The following FTO variants were observed in gnomAD, a reference collection of about 807,000 sequenced individuals.
FTO encodes FTO alpha-ketoglutarate dependent dioxygenase.
A neutral mutation model predicts 63.9 loss-of-function variants in FTO; 47 were observed. The ratio of observed to expected loss-of-function variants is 0.74; its 90% CI spans 0.58 to 0.94. FTO has a LOEUF of 0.94. Among genes scored for constraint, FTO ranks in the 40% least tolerant of loss-of-function variants. The pLI is 0.00. For missense variants in FTO, 562 were observed against 618.1 expected, an observed-to-expected ratio of 0.91 and a Z score of 0.96; for synonymous variants, 207 against 224.4, an observed-to-expected ratio of 0.92 and a Z score of 0.69.
intron 8 of FTO, among the ~76,000 whole-genome samples, chr16:54,049,093 A>T (rs1246191157): frequency 2.6e-5 from 4 of 152,184 alleles, no homozygotes; most frequent in African/African-American, 9.7e-5. Context: ...TAAAAAATTA[A>T]GATCCAAACC....
intron 6 of FTO, among the ~76,000 whole-genome samples, chr16:53,886,531 A>G (rs2081001679): frequency 6.6e-6 from 1 of 152,200 alleles, no homozygotes; most frequent in Non-Finnish European, 1.5e-5. Flanking sequence ...TCTTCTTTCA[A>G]AGTACTCAAG....
intron 8 of FTO, among the ~76,000 whole-genome samples, chr16:54,093,172 C>G (rs1033871069): frequency 6.6e-6 from 1 of 152,196 alleles, no homozygotes; most frequent in Non-Finnish European, 1.5e-5. Flanking sequence ...CGCATCCAAC[C>G]CTGGCCCCGG....
intron 1 of FTO, among the ~76,000 whole-genome samples, chr16:53,766,493 G>C (rs1202293910): frequency 6.6e-6 from 1 of 152,152 alleles, no homozygotes; most frequent in Non-Finnish European, 1.5e-5. Flanking sequence ...AAAGTGCTGG[G>C]ATTACAGGTG....
chr16:53,761,336 A>G (rs1261289910), intron 1 of FTO, among the ~76,000 whole-genome samples: 2 of 151,704 alleles, frequency 1.3e-5, no homozygotes, highest in Non-Finnish European at 2.9e-5. Context: ...TCCTGGGCTC[A>G]AGAGATTCTC....
chr16:53,971,674 T>C (rs1020527249), intron 8 of FTO, among the ~76,000 whole-genome samples: 3 of 152,240 alleles, frequency 2.0e-5, no homozygotes, highest in Admixed American at 1.3e-4. Flanking sequence ...GGCCTTCCTC[T>C]AGGGGACCCC....
chr16:53,811,832 AC>A (rs2078534605), intron 2 of FTO, among the ~76,000 whole-genome samples: 1 of 151,094 alleles, frequency 6.6e-6, no homozygotes, highest in African/African-American at 2.4e-5. Context: ...TTATTTTTTG[AC>A]AGAGGATCTC....
intron 8 of FTO, among the ~76,000 whole-genome samples, chr16:54,065,557 A>C (rs16952955): frequency 0.063 from 9,549 of 152,192 alleles, 414 homozygotes; most frequent in East Asian, 0.14. Flanking sequence ...TTGTCAATAA[A>C]AAGTGTCAAA....
In FTO at chr16:53,900,140, C is replaced by T. The variant is rs537996395; in HGVS notation, c.1239+11189C>T. ...GACAGAATTCGAATGCATATGGCAT[C>T]CACATAGCCTGGCATAAGTAGCACA... On this transcript the variant is annotated intron_variant, in intron 7 of 8. Transcript: ENST00000471389. Among the ~76,000 whole-genome samples the T allele has an allele frequency of 7.0e-4, 107 of 152,294 alleles. 1 individual carries two copies. Among genetic ancestry groups the T allele is most frequent in the African/African-American group, 2.0e-3 (85 of 41,556 alleles).
At chr16:54,055,509 G>T (rs1187881756) in intron 8 of FTO, among the ~76,000 whole-genome samples, 1 of 152,176 alleles carries the variant, frequency 6.6e-6, no homozygotes, top group Non-Finnish European at 1.5e-5. Flanking sequence ...CTGAGATAAA[G>T]AAAGGATATA....
chr16:53,837,110 C>G (rs915147731), intron 3 of FTO, among the ~76,000 whole-genome samples: 2 of 152,198 alleles, frequency 1.3e-5, no homozygotes, highest in African/African-American at 4.8e-5. Context: ...ATCTCTGCTT[C>G]CTTACCTGAT....
intron 1 of FTO, among the ~76,000 whole-genome samples, chr16:53,727,102 T>C (rs2076172715): frequency 6.6e-6 from 1 of 152,228 alleles, no homozygotes; most frequent in African/African-American, 2.4e-5. Context: ...TTCTTTTGGC[T>C]AAATATATTC....
intron 2 of FTO, among the ~76,000 whole-genome samples, chr16:53,818,746 A>G (rs748168551): frequency 1.3e-5 from 2 of 149,790 alleles, no homozygotes; most frequent in African/African-American, 2.5e-5. Context: ...AATTTCTTCT[A>G]TGAGTATAGT....
At chr16:53,965,214 C>G (rs1664810569) in intron 8 of FTO, among the ~76,000 whole-genome samples, 1 of 152,208 alleles carries the variant, frequency 6.6e-6, no homozygotes. Flanking sequence ...GCTGGGACTA[C>G]AGGCATGCGT....
At chr16:53,901,578 G>T (rs2081403895) in intron 7 of FTO, among the ~76,000 whole-genome samples, 1 of 152,094 alleles carries the variant, frequency 6.6e-6, no homozygotes, top group African/African-American at 2.4e-5. Context: ...CCACTCCTTG[G>T]CTAACAGTCC....
At chr16:54,095,271 C>T (rs1035900438) in intron 8 of FTO, among the ~76,000 whole-genome samples, 4 of 152,102 alleles carry the variant, frequency 2.6e-5, no homozygotes, top group Admixed American at 2.0e-4. Context: ...AACTCCTGAC[C>T]TTAAGGGAGC....
rs989196035 is a variant in FTO, at chr16:54,112,318, A to G, written c.*403A>G. ...GACAGAACTTAGAGACATCCCAGTTACTCACCACACCCATAGTGCTGTCCA... is the reference window on the plus strand; with the variant it reads ...GACAGAACTTAGAGACATCCCAGTTGCTCACCACACCCATAGTGCTGTCCA... On this transcript the variant is annotated 3_prime_UTR_variant, in exon 9 of 9. Transcript: ENST00000471389. The G allele has an allele frequency of 1.5e-4, 42 of 288,488 alleles. No individual in the cohort carries two copies. The highest frequency in any genetic ancestry group is 8.6e-4 in the African/African-American group (39 of 45,552). The allele number at this position is 288,488 out of a possible 1,614,324, so 17.9% of individuals were successfully genotyped here. A position where few individuals can be genotyped will look rare whatever the true frequency, so the allele number is the denominator to read the frequency against.
At chr16:53,987,009 G>C (rs1267142415) in intron 8 of FTO, among the ~76,000 whole-genome samples, 2 of 152,018 alleles carry the variant, frequency 1.3e-5, no homozygotes, top group African/African-American at 4.8e-5. Flanking sequence ...GGTTACATCT[G>C]TTTTACATGC....
chr16:54,056,930 T>C (rs1224530754), intron 8 of FTO, among the ~76,000 whole-genome samples: 1 of 152,262 alleles, frequency 6.6e-6, no homozygotes, highest in Non-Finnish European at 1.5e-5. Context: ...CATTTATTTA[T>C]TCATTCAGTA....
chr16:53,724,838 T>C (rs376724654), intron 1 of FTO, among the ~76,000 whole-genome samples: 2 of 152,282 alleles, frequency 1.3e-5, no homozygotes, highest in South Asian at 2.1e-4. Context: ...GAATCTGGGA[T>C]TGAGAACAAC....
Sources: gnomAD v4.1 joint callset for allele counts (sites outside exome capture counted in the v4.1 genomes callset) on GRCh38, gnomAD v4.1.1 for gene constraint, MANE v1.5 for transcripts, NCBI Gene and HGNC (gene_info 2026-07-23, HGNC 2026-07-21) for gene names.